ATF3: variants seen among roughly 807,000 people sequenced by gnomAD.
ATF3 encodes cyclic AMP-dependent transcription factor ATF-3.
A neutral mutation model predicts 18.4 loss-of-function variants in ATF3; 10 were observed. The observed-to-expected ratio is 0.54, with a 90% CI of 0.34 to 0.92. The LOEUF is 0.92. Among genes scored for constraint, ATF3 ranks in the 40% least tolerant of loss-of-function variants. The probability of loss-of-function intolerance (pLI) is 0.02; values close to 1 mark genes in which losing one functional copy is unlikely to be tolerated. For missense variants in ATF3, 183 were observed against 222.3 expected, an observed-to-expected ratio of 0.82 and a Z score of 1.12; for synonymous variants, 78 against 87.9, an observed-to-expected ratio of 0.89 and a Z score of 0.63.
chr1:212,603,419 C>T (rs1654538168), intron 1 of ATF3, among the ~76,000 whole-genome samples: 1 of 152,178 alleles, frequency 6.6e-6, no homozygotes, highest in Admixed American at 6.5e-5. Flanking sequence ...GGAAAATGCA[C>T]AAGTAGTCAC....
At chr1:212,614,981 G>A in intron 1 of ATF3, 37 bp from the exon 2 acceptor site, 1 of 1,614,078 alleles carries the variant, frequency 6.2e-7, no homozygotes, top group Middle Eastern at 1.7e-4. Context: ...ATGCCCCAGA[G>A]CCCCTGAAAC....
Position 212,619,883 on chromosome 1 carries a change from A to G in ATF3, c.*328A>G. Reference sequence around the variant, plus strand: ...ACAAAAAACCAGGATGCCCACCGTTAGGATTCAGGCAGCAGTGTCTGTACC... The same window carrying G: ...ACAAAAAACCAGGATGCCCACCGTTGGGATTCAGGCAGCAGTGTCTGTACC... On this transcript the variant is annotated 3_prime_UTR_variant, in exon 4 of 4. Coordinates refer to ENST00000341491, the MANE Select transcript of ATF3 (RefSeq NM_001674.4). This position sits in a 1 kb window ranked among gnomAD's most constrained non-coding sequence, Gnocchi z 4.4. 1 of 323,604 alleles carries G rather than the reference A, an allele frequency of 3.1e-6. No individual in the cohort carries two copies. The allele number at this position is 323,604 out of a possible 1,614,324, so 20.0% of individuals were successfully genotyped here. A position where few individuals can be genotyped will look rare whatever the true frequency, so the allele number is the denominator to read the frequency against.
chr1:212,571,537 A>G (rs890989862), intron 1 of ATF3, among the ~76,000 whole-genome samples: 7 of 151,402 alleles, frequency 4.6e-5, no homozygotes, highest in Non-Finnish European at 8.8e-5. Flanking sequence ...CCTCCTGAGT[A>G]GCTGGGATTA....
rs1655292245 is a variant in ATF3, at chr1:212,619,749, G to A, written c.*194G>A. The A allele has an allele frequency of 3.1e-6, 2 of 647,878 alleles. No individual in the cohort carries two copies. 40.1% of individuals were successfully genotyped at this position (647,878 alleles called of 1,614,324 possible). A position where few individuals can be genotyped will look rare whatever the true frequency, so the allele number is the denominator to read the frequency against. On this transcript the variant is annotated 3_prime_UTR_variant, in exon 4 of 4. Transcript: ENST00000341491. This position sits in a 1 kb window ranked among gnomAD's most constrained non-coding sequence, Gnocchi z 4.4. ...GCCCCAGAGTGGGTCTTGGACCAGG[G>A]CAAGTGCATCTTTGCCTCAACTCCA...
intron 1 of ATF3, among the ~76,000 whole-genome samples, chr1:212,589,648 A>C (rs1664844665): frequency 6.6e-6 from 1 of 151,354 alleles, no homozygotes. Context: ...GCACCACTGC[A>C]CTCCAGCTTG....
At chr1:212,611,608 C>G (rs1654895474) in intron 1 of ATF3, among the ~76,000 whole-genome samples, 1 of 152,046 alleles carries the variant, frequency 6.6e-6, no homozygotes, top group African/African-American at 2.4e-5. Flanking sequence ...GGAGGAAGAC[C>G]AAGATATGAA....
chr1:212,597,789 C>T (rs115603958), intron 1 of ATF3, among the ~76,000 whole-genome samples: 27 of 151,450 alleles, frequency 1.8e-4, no homozygotes, highest in Middle Eastern at 3.4e-3. Context: ...GATTTCTTTC[C>T]GTTTCGCTTA....
At chr1:212,599,320 G>A (rs1352343702) in intron 1 of ATF3, among the ~76,000 whole-genome samples, 1 of 152,196 alleles carries the variant, frequency 6.6e-6, no homozygotes, top group Admixed American at 6.5e-5. Context: ...ACTATGTCAG[G>A]CTGAGGATCA....
chr1:212,587,685 T>C (rs1664804891), intron 1 of ATF3, among the ~76,000 whole-genome samples: 1 of 152,236 alleles, frequency 6.6e-6, no homozygotes, highest in African/African-American at 2.4e-5. Flanking sequence ...GAACTTCAGT[T>C]GTAACTCCAG....
rs1281801633 is a variant in ATF3, at chr1:212,619,006, A to G, written c.349-352A>G. The G allele has an allele frequency of 6.2e-7, 1 of 1,613,710 alleles. No individual in the cohort carries two copies. ...AGCTTCTCATTGAGATCTGTGACTC[A>G]GAATCGACTAAGCCACCATAAGTCT... On this transcript the variant is annotated intron_variant, in intron 3 of 3. Transcript: ENST00000341491. The surrounding 1 kb of genome is among the most constrained non-coding windows in gnomAD (Gnocchi z 4.4).
At chr1:212,583,038 T>G (rs1223716895) in intron 1 of ATF3, among the ~76,000 whole-genome samples, 1 of 152,058 alleles carries the variant, frequency 6.6e-6, no homozygotes, top group African/African-American at 2.4e-5. Flanking sequence ...CGCTAAAGAA[T>G]GCCAGGGTTA....
chr1:212,602,357 G>A (rs1425927709), intron 1 of ATF3, among the ~76,000 whole-genome samples: 2 of 152,150 alleles, frequency 1.3e-5, no homozygotes, highest in Admixed American at 6.5e-5. Flanking sequence ...AGGGGTTCAC[G>A]AGTCTCAATG....
At chr1:212,600,545 C>G (rs1431803937) in intron 1 of ATF3, among the ~76,000 whole-genome samples, 2 of 152,262 alleles carry the variant, frequency 1.3e-5, no homozygotes, top group Non-Finnish European at 2.9e-5. Flanking sequence ...GAGCAGGGCA[C>G]AGCCCCTTCC....
chr1:212,593,686 A>G lies in ATF3; in HGVS notation c.-4-21332A>G, dbSNP rs969647058. On this transcript the variant is annotated intron_variant, in intron 1 of 3. Coordinates refer to the ATF3 transcript ENST00000366981. ...AGCCCAGGGGATCAAGGCTGCAGTG[A>G]GCTATGATTGCCCTAATGCACTCCA... Among the ~76,000 whole-genome samples the G allele has an allele frequency of 3.4e-5, 5 of 146,726 alleles. No individual in the cohort carries two copies. The South Asian group carries it at 1.1e-3, about 32-fold the overall frequency.
chr1:212,586,703 G>C (rs1439073566), intron 1 of ATF3, among the ~76,000 whole-genome samples: 2 of 152,206 alleles, frequency 1.3e-5, no homozygotes, highest in African/African-American at 4.8e-5. Context: ...ATTGACGTGG[G>C]AGAAAATAAA....
intron 1 of ATF3, among the ~76,000 whole-genome samples, chr1:212,567,908 C>T (rs1419214124): frequency 1.3e-5 from 2 of 152,174 alleles, no homozygotes; most frequent in Admixed American, 1.3e-4. Flanking sequence ...AGTCCTGTTC[C>T]AGAACTGAAT....
At chr1:212,616,270 AACACACAC>A (rs546591079) in intron 2 of ATF3, among the ~76,000 whole-genome samples, 1 of 150,402 alleles carries the variant, frequency 6.6e-6, no homozygotes, top group South Asian at 2.1e-4. Context: ...AACAAGATTC[AACACACAC>A]ACACACACAC....
chr1:212,601,165 G>A (rs943112992), intron 1 of ATF3, among the ~76,000 whole-genome samples: 1 of 152,120 alleles, frequency 6.6e-6, no homozygotes, highest in Non-Finnish European at 1.5e-5. Flanking sequence ...CAAGTTCATC[G>A]TATTTTGGGA....
At chr1:212,611,745 T>C (rs1372275175) in intron 1 of ATF3, among the ~76,000 whole-genome samples, 1 of 152,210 alleles carries the variant, frequency 6.6e-6, no homozygotes, top group Non-Finnish European at 1.5e-5. Flanking sequence ...GAAATAAAAA[T>C]CTGGGAGCTG....
Sources: allele counts gnomAD v4.1 joint callset (sites outside exome capture counted in the v4.1 genomes callset), GRCh38; gene constraint gnomAD v4.1.1; non-coding constraint Gnocchi (gnomAD v3.1); transcripts MANE v1.5; gene names NCBI Gene and HGNC (gene_info 2026-07-23, HGNC 2026-07-21).